Variants in AFF2 observed in about 807,000 individuals in gnomAD.
The protein encoded by AFF2 is ALF transcription elongation factor 2.
Under a neutral mutation model 76.9 loss-of-function variants are expected in AFF2, and 14 were observed. The ratio of observed to expected loss-of-function variants is 0.18; its 90% CI spans 0.12 to 0.28. The LOEUF is 0.28. Ranked by LOEUF, AFF2 falls within the 10% of genes least tolerant of loss-of-function variation. The pLI is 1.00. For synonymous variants in AFF2, 398 were observed against 366.7 expected, an observed-to-expected ratio of 1.09 and a Z score of -0.98; for missense variants, 868 against 1,001.1, an observed-to-expected ratio of 0.87 and a Z score of 1.79.
chrX:148,754,876 A>T (rs1232888078), intron 3 of AFF2, among the ~76,000 whole-genome samples: 3 of 111,904 alleles, frequency 2.7e-5, no homozygotes, highest in South Asian at 3.7e-4. Context: ...ATAATCTATT[A>T]TGAAGACTAA....
At position 148,762,688 on chromosome X, in the gene AFF2, G is replaced by A. The variant is rs182455881; in HGVS notation, c.1042-47188G>A. Reference sequence around the variant, plus strand: ...AGGATAGTTGACTGATTCTCATTTCGTGTACCCCATGCATCTTATAACTTC... The same window carrying A: ...AGGATAGTTGACTGATTCTCATTTCATGTACCCCATGCATCTTATAACTTC... On this transcript the variant is annotated intron_variant, in intron 3 of 20. Coordinates refer to ENST00000370460, the MANE Select transcript of AFF2 (RefSeq NM_002025.4). Among the ~76,000 whole-genome samples, 10 of 110,004 alleles carry A rather than the reference G, an allele frequency of 9.1e-5. No homozygotes were observed. In the East Asian group the frequency reaches 2.6e-3, roughly 28 times the overall value.
chrX:148,844,877 A>C (rs1426878411), intron 7 of AFF2, among the ~76,000 whole-genome samples: 1 of 111,880 alleles, frequency 8.9e-6, no homozygotes, highest in African/African-American at 3.3e-5. Flanking sequence ...CAATTTTAAG[A>C]AGCAAGAAAA....
intron 1 of AFF2, among the ~76,000 whole-genome samples, chrX:148,608,591 C>T (rs1158888534): frequency 9.1e-6 from 1 of 109,411 alleles, no homozygotes; most frequent in Admixed American, 9.8e-5. Context: ...TTGTAGGTCA[C>T]TGTAACCTCA....
chrX:148,519,646 ATAAGT>A (rs782145991), intron 1 of AFF2, among the ~76,000 whole-genome samples: 3 of 112,446 alleles, frequency 2.7e-5, no homozygotes, highest in Non-Finnish European at 5.6e-5. Flanking sequence ...ACCCGAGGAA[ATAAGT>A]TAATAAGAAT....
At chrX:148,534,361 A>C (rs782445106) in intron 1 of AFF2, among the ~76,000 whole-genome samples, 1 of 112,850 alleles carries the variant, frequency 8.9e-6, no homozygotes, top group African/African-American at 3.2e-5. Context: ...AATGATACAC[A>C]TAGGTGAAAG....
At chrX:148,795,832 AATATATATAT>A (rs1169188980) in intron 3 of AFF2, among the ~76,000 whole-genome samples, 67 of 15,527 alleles carry the variant, frequency 4.3e-3, no homozygotes, top group East Asian at 0.014. Context: ...AAAAAAAAAA[AATATATATAT>A]ATATATATAT....
intron 1 of AFF2, among the ~76,000 whole-genome samples, chrX:148,559,160 A>G (rs1391783262): frequency 1.8e-5 from 2 of 111,635 alleles, no homozygotes; most frequent in African/African-American, 6.5e-5. Context: ...GGGAAGGGCC[A>G]TTACTAGGGT....
chrX:148,631,303 AG>A lies in AFF2; in HGVS notation c.48-20695del. Among the ~76,000 whole-genome samples, 2 of 112,128 alleles carry A rather than the reference AG, an allele frequency of 1.8e-5. 1 individual carries two copies. Among genetic ancestry groups the A allele is most frequent in the Middle Eastern group, 8.4e-3 (2 of 238 alleles). On this transcript the variant is annotated intron_variant, in intron 1 of 20. Transcript: ENST00000370460. Reference sequence around the variant, plus strand: ...AATTACATCTATAGAAAAGGAAAAAAGCTCTCAATTTTGCATACGATTGCTT... The same window carrying A: ...AATTACATCTATAGAAAAGGAAAAAACTCTCAATTTTGCATACGATTGCTT...
In AFF2 at chrX:148,728,525, G is replaced by A. The variant is rs193259587; in HGVS notation, c.1041+65757G>A. Among the ~76,000 whole-genome samples the A allele has an allele frequency of 1.5e-3, 167 of 112,325 alleles. 1 individual carries two copies. Among genetic ancestry groups the A allele is most frequent in the African/African-American group, 5.1e-3 (157 of 30,975 alleles). ...CTATTTTCATTTTGAAATTTCACCT[G>A]GCAGATCCTTAAAAGTCACCAGAGG... On this transcript the variant is annotated intron_variant, in intron 3 of 20. Transcript: ENST00000370460.
chrX:148,887,990 T>C (rs1557279287), intron 8 of AFF2, among the ~76,000 whole-genome samples: 2 of 112,754 alleles, frequency 1.8e-5, no homozygotes, highest in Non-Finnish European at 3.8e-5. Context: ...GCATAATGTC[T>C]TTTTGTAAAA....
chrX:148,561,963 T>C (rs370116172), intron 1 of AFF2, among the ~76,000 whole-genome samples: 1 of 111,883 alleles, frequency 8.9e-6, no homozygotes, highest in Admixed American at 9.4e-5. Context: ...AATGTTGAAG[T>C]GGCCCCTTGC....
chrX:148,946,067 A>G (rs139820176), intron 9 of AFF2, among the ~76,000 whole-genome samples: 3 of 112,149 alleles, frequency 2.7e-5, no homozygotes, highest in Non-Finnish European at 5.6e-5. Flanking sequence ...TGCCAAAATC[A>G]CTCATAATTA....
chrX:148,522,444 A>C (rs782735375), intron 1 of AFF2, among the ~76,000 whole-genome samples: 1 of 112,508 alleles, frequency 8.9e-6, no homozygotes, highest in East Asian at 2.8e-4. Flanking sequence ...TTGTTTATGG[A>C]AACAGGCATA....
chrX:148,773,671 A>G (rs1161215438), intron 3 of AFF2, among the ~76,000 whole-genome samples: 1 of 77,443 alleles, frequency 1.3e-5, no homozygotes, highest in African/African-American at 6.9e-5. Flanking sequence ...GGAAGGAAAG[A>G]AGGAAGGAAG....
chrX:148,509,835 G>T (rs1290909123), intron 1 of AFF2, among the ~76,000 whole-genome samples: 1 of 112,121 alleles, frequency 8.9e-6, no homozygotes, highest in Non-Finnish European at 1.9e-5. Context: ...CTGTGTTTAC[G>T]ATTAGCTGTT....
At chrX:148,709,392 A>G (rs1243920295) in intron 3 of AFF2, among the ~76,000 whole-genome samples, 1 of 111,654 alleles carries the variant, frequency 9.0e-6, no homozygotes, top group African/African-American at 3.3e-5. Context: ...TTGGCACACA[A>G]TAAATGTCAA....
chrX:148,588,040 G>A (rs1158408666), intron 1 of AFF2, among the ~76,000 whole-genome samples: 4 of 112,174 alleles, frequency 3.6e-5, no homozygotes, highest in Non-Finnish European at 7.5e-5. Flanking sequence ...GGCTTCATTA[G>A]TCTTGGTCCC....
At chrX:148,617,573 A>G (rs1416368494) in intron 1 of AFF2, among the ~76,000 whole-genome samples, 1 of 112,131 alleles carries the variant, frequency 8.9e-6, no homozygotes, top group Non-Finnish European at 1.9e-5. Context: ...ATTTAGTTGA[A>G]TTAGATCCCA....
intron 7 of AFF2, among the ~76,000 whole-genome samples, chrX:148,873,934 A>T (rs2071006871): frequency 8.9e-6 from 1 of 111,987 alleles, no homozygotes; most frequent in Non-Finnish European, 1.9e-5. Flanking sequence ...TCTAGATATT[A>T]AATACTAAGT....
Sources: allele counts gnomAD v4.1 joint callset (sites outside exome capture counted in the v4.1 genomes callset), GRCh38; gene constraint gnomAD v4.1.1; transcripts MANE v1.5; gene names NCBI Gene and HGNC (gene_info 2026-07-23, HGNC 2026-07-21).